KIAA2012: variants seen among roughly 807,000 people sequenced by gnomAD.
The protein encoded by KIAA2012 is uncharacterized protein KIAA2012.
A neutral mutation model predicts 150.6 loss-of-function variants in KIAA2012; 125 were observed. That is an observed-to-expected ratio of 0.83 (90% CI 0.72 to 0.96). The LOEUF is 0.96. KIAA2012 is among the 40% of genes least tolerant of loss of function. The probability of loss-of-function intolerance (pLI) is 0.00; values close to 1 mark genes in which losing one functional copy is unlikely to be tolerated. For missense variants in KIAA2012, 1,219 were observed against 1,354.9 expected (o/e 0.90, Z 1.57); for synonymous variants, 462 against 504.7 (o/e 0.92, Z 1.13).
At chr2:202,160,395 G>C (rs538787206) in intron 14 of KIAA2012, among the ~76,000 whole-genome samples, 41 of 143,750 alleles carry the variant, frequency 2.9e-4, no homozygotes, top group African/African-American at 5.4e-4. Flanking sequence ...CTCACTGCAA[G>C]CTCCACCTCC....
chr2:202,113,705 C>T, intron 11 of KIAA2012: 1 of 440,504 alleles, frequency 2.3e-6, no homozygotes, highest in Non-Finnish European at 4.1e-6. Flanking sequence ...GTCTAATGTG[C>T]CACGCTGATG....
At chr2:202,109,363 C>T (rs990735999) in intron 9 of KIAA2012, among the ~76,000 whole-genome samples, 1 of 152,156 alleles carries the variant, frequency 6.6e-6, no homozygotes, top group African/African-American at 2.4e-5. Flanking sequence ...AGAGTCATGT[C>T]ATTTTGGCCA....
In KIAA2012 at chr2:202,099,808, A is replaced by G. The variant is rs546343392; in HGVS notation, c.1012+12A>G. 21 of 1,542,176 alleles carry G rather than the reference A, an allele frequency of 1.4e-5. No individual in the cohort carries two copies. The highest frequency in any genetic ancestry group is 1.1e-4 in the South Asian group (9 of 82,800). On this transcript the variant is annotated intron_variant, in intron 6 of 23. Transcript: ENST00000498697. ...GGCAGATCTCAGCGGTAAGAACTCAAATGTCTTGCTCATTGATCTGGGTAA... is the reference window on the plus strand; with the variant it reads ...GGCAGATCTCAGCGGTAAGAACTCAGATGTCTTGCTCATTGATCTGGGTAA...
At chr2:202,079,528 C>T (rs1689396742) in intron 2 of KIAA2012, among the ~76,000 whole-genome samples, 1 of 152,172 alleles carries the variant, frequency 6.6e-6, no homozygotes, top group African/African-American at 2.4e-5. Context: ...ACAACACCTC[C>T]AACTCCCTGG....
chr2:202,105,834 T>G lies in KIAA2012; in HGVS notation c.1398T>G (p.His466Gln), dbSNP rs900786975. 10 of 1,550,754 alleles carry G rather than the reference T, an allele frequency of 6.4e-6. No individual in the cohort carries two copies. Among genetic ancestry groups the G allele is most frequent in the South Asian group, 2.4e-5 (2 of 84,060 alleles). Residue 466 changes from histidine to glutamine, a missense_variant, in exon 9 of 24, where the codon CAT (histidine) becomes CAG (glutamine). His to Gln is a conservative substitution (Grantham distance 24). Coordinates refer to ENST00000498697, the MANE Select transcript of KIAA2012 (RefSeq NM_001277372.4). ...STPVWRPPLKHASLETPWELT... is the reference protein window; with the variant it reads ...STPVWRPPLKQASLETPWELT... ...CTGTGTGGAGACCTCCCCTGAAGCA[T>G]GCGTCCTTAGAAACACCATGGGAGT...
At chr2:202,085,880 C>T (rs10170697) in intron 2 of KIAA2012, among the ~76,000 whole-genome samples, 45,758 of 151,878 alleles carry the variant, frequency 0.3, 7,326 homozygotes, top group East Asian at 0.38. Flanking sequence ...TCAGAAATGC[C>T]CACTAATGGC....
chr2:202,133,634 G>C lies in KIAA2012; in HGVS notation c.1832-4798G>C, dbSNP rs541727827. On this transcript the variant is annotated intron_variant, in intron 12 of 23. Transcript: ENST00000498697. Reference sequence around the variant, plus strand: ...ACTCCCTAGTTAGAGCTCCCAGGGGGATGTCTTTTGCCTGGAGACTTATTC... The same window carrying C: ...ACTCCCTAGTTAGAGCTCCCAGGGGCATGTCTTTTGCCTGGAGACTTATTC... Among the ~76,000 whole-genome samples, 12 of 152,260 alleles carry C rather than the reference G, an allele frequency of 7.9e-5. 1 individual carries two copies. The South Asian group carries it at 2.5e-3, about 32-fold the overall frequency.
chr2:202,204,359 G>A (rs1217892142), intron 23 of KIAA2012, among the ~76,000 whole-genome samples: 1 of 152,158 alleles, frequency 6.6e-6, no homozygotes, highest in Non-Finnish European at 1.5e-5. Flanking sequence ...TTACAGGCAT[G>A]AGCCGCTGTG....
intron 2 of KIAA2012, 69 bp downstream of exon 2, chr2:202,075,244 T>G (rs2105906188): frequency 1.4e-6 from 2 of 1,455,760 alleles, no homozygotes; most frequent in East Asian, 5.0e-5. Context: ...GTTGCAGCTT[T>G]GGGAATAATT....
chr2:202,154,583 C>T lies in KIAA2012; in HGVS notation c.1909-90C>T. ...ATTGTTTCAATGATTTTTAAAATTG[C>T]CTTCTGTAAATATTTGGGGATTTGG... On this transcript the variant is annotated intron_variant, in intron 13 of 23. Coordinates refer to ENST00000498697, the MANE Select transcript of KIAA2012 (RefSeq NM_001277372.4). The T allele has an allele frequency of 3.4e-6, 4 of 1,177,736 alleles. No homozygotes were observed. The South Asian group carries it at 5.1e-5, about 15-fold the overall frequency. The allele number at this position is 1,177,736 out of a possible 1,614,324, so 73.0% of individuals were successfully genotyped here. A position where few individuals can be genotyped will look rare whatever the true frequency, so the allele number is the denominator to read the frequency against.
chr2:202,162,964 T>C (rs1354774442), intron 14 of KIAA2012, among the ~76,000 whole-genome samples: 1 of 151,878 alleles, frequency 6.6e-6, no homozygotes, highest in Non-Finnish European at 1.5e-5. Context: ...CTTGTGCTTT[T>C]TAATGGTTGC....
At chr2:202,108,380 C>T (rs575598068) in intron 9 of KIAA2012, among the ~76,000 whole-genome samples, 1 of 152,320 alleles carries the variant, frequency 6.6e-6, no homozygotes, top group African/African-American at 2.4e-5. Context: ...ATAGTACTTT[C>T]TAATTTCTAA....
At chr2:202,084,482 G>A (rs917791531) in intron 2 of KIAA2012, among the ~76,000 whole-genome samples, 1 of 152,198 alleles carries the variant, frequency 6.6e-6, no homozygotes, top group Non-Finnish European at 1.5e-5. Flanking sequence ...CACTCATGGT[G>A]GAATGTGGAT....
At chr2:202,164,231 A>C (rs994097352) in intron 14 of KIAA2012, among the ~76,000 whole-genome samples, 5 of 151,626 alleles carry the variant, frequency 3.3e-5, no homozygotes, top group African/African-American at 1.2e-4. Flanking sequence ...TGGGTCACCA[A>C]CTCTACCTGC....
At chr2:202,155,467 C>G (rs1224849592) in intron 14 of KIAA2012, among the ~76,000 whole-genome samples, 1 of 152,128 alleles carries the variant, frequency 6.6e-6, no homozygotes. Context: ...TGGTTTAGGG[C>G]CCCTTTCCTA....
intron 11 of KIAA2012, chr2:202,116,724 A>G (rs115245013): frequency 6.6e-6 from 1 of 152,066 alleles, no homozygotes; most frequent in Non-Finnish European, 1.5e-5. Flanking sequence ...TCCCCCTTCA[A>G]AAGGGAGAAA....
At chr2:202,137,123 T>A (rs1691081030) in intron 12 of KIAA2012, 1 of 152,170 alleles carries the variant, frequency 6.6e-6, no homozygotes, top group Non-Finnish European at 1.5e-5. Flanking sequence ...GAGGCTTAAG[T>A]TCAAAAAGAC....
intron 22 of KIAA2012, among the ~76,000 whole-genome samples, chr2:202,199,179 A>G (rs1374185096): frequency 6.6e-6 from 1 of 152,194 alleles, no homozygotes; most frequent in Non-Finnish European, 1.5e-5. Context: ...TCACTCTACC[A>G]AGACTCAGGA....
Position 202,151,675 on chromosome 2 carries a change from G to A in KIAA2012, c.1909-2998G>A, listed in dbSNP as rs1305272247. The stretch of plus-strand genomic sequence containing the variant: ...TGTTTGTTTGTCTGACACATAGTAG[G>A]CACTTAATAAATATCAGTTTAATGG... On this transcript the variant is annotated intron_variant, in intron 13 of 23. Coordinates refer to ENST00000498697, the MANE Select transcript of KIAA2012 (RefSeq NM_001277372.4). Among the ~76,000 whole-genome samples the A allele has an allele frequency of 2.0e-5, 3 of 152,224 alleles. No homozygotes were observed. In the East Asian group the frequency reaches 5.8e-4, roughly 29 times the overall value.
Sources: allele counts gnomAD v4.1 joint callset (sites outside exome capture counted in the v4.1 genomes callset), GRCh38; gene constraint gnomAD v4.1.1; transcripts MANE v1.5; gene names NCBI Gene and HGNC (gene_info 2026-07-23, HGNC 2026-07-21).